The following CSNK2A1 variants were observed in gnomAD, a reference collection of about 807,000 sequenced individuals.
CSNK2A1 encodes the protein casein kinase 2 alpha 1, also known as casein kinase II subunit alpha.
Under a neutral mutation model 62.9 loss-of-function variants are expected in CSNK2A1, and 10 were observed. The observed-to-expected ratio is 0.16, with a 90% CI of 0.10 to 0.27. The LOEUF (loss-of-function observed/expected upper bound fraction) is 0.27, where lower values mean the gene tolerates loss of function less well. Among genes scored for constraint, CSNK2A1 ranks in the 10% least tolerant of loss-of-function variants. The pLI is 1.00. For missense variants in CSNK2A1, 160 were observed against 492.0 expected (o/e 0.33, Z 6.38); for synonymous variants, 124 against 167.8 (o/e 0.74, Z 2.02).
intron 1 of CSNK2A1, chr20:540,131 G>A (rs2019417111): frequency 6.6e-6 from 1 of 152,218 alleles, no homozygotes; most frequent in African/African-American, 2.4e-5. Context: ...CATGTGAGTA[G>A]TTTTATCAGC....
At chr20:484,371 G>A (rs1045300573) in intron 13 of CSNK2A1, among the ~76,000 whole-genome samples, 2 of 152,316 alleles carry the variant, frequency 1.3e-5, no homozygotes, top group East Asian at 1.9e-4. Context: ...GGCCTGTCTA[G>A]GGCAGAGATG....
At chr20:504,454 C>T (rs1368026124) in intron 4 of CSNK2A1, 2 of 152,192 alleles carry the variant, frequency 1.3e-5, no homozygotes, top group African/African-American at 4.8e-5. Flanking sequence ...ATTGGTCTCC[C>T]AGAGGCCAAA....
chr20:501,438 T>C (rs2018467773), intron 4 of CSNK2A1: 1 of 152,210 alleles, frequency 6.6e-6, no homozygotes, highest in Admixed American at 6.5e-5. Context: ...ACCACATGTG[T>C]AATTTTAAAT....
At chr20:527,134 A>G (rs2019115171) in intron 2 of CSNK2A1, among the ~76,000 whole-genome samples, 1 of 152,178 alleles carries the variant, frequency 6.6e-6, no homozygotes. Context: ...AAGAATGGAA[A>G]TGATACATCA....
chr20:505,351 GTTTTTTTTT>G (rs746624346), intron 3 of CSNK2A1, 122 bp from the exon 4 acceptor site: 12 of 236,166 alleles, frequency 5.1e-5, no homozygotes, highest in African/African-American at 3.0e-4. Context: ...TCCCAAATAG[GTTTTTTTTT>G]TTTTTTTTTT....
Position 492,368 on chromosome 20 carries a change from A to T in CSNK2A1, c.511-4T>A, listed in dbSNP as rs1281239882. On this transcript the variant is annotated splice_polypyrimidine_tract_variant and splice_region_variant and intron_variant, in intron 8 of 13. Transcript: ENST00000217244. ...AACCCCAGTCTATTAGTCGTAGCTG[A>T]AAAAGAATAAACCATGAGCAATCTT... is the stretch of plus-strand genomic sequence containing the variant. 4 of 1,613,830 alleles carry T rather than the reference A, an allele frequency of 2.5e-6. No individual in the cohort carries two copies. Among genetic ancestry groups the T allele is most frequent in the Non-Finnish European group, 3.4e-6 (4 of 1,179,770 alleles).
intron 12 of CSNK2A1, 128 bp downstream of exon 12, chr20:487,299 C>A (rs960125041): frequency 1.6e-5 from 21 of 1,354,654 alleles, no homozygotes; most frequent in Non-Finnish European, 1.9e-5. Flanking sequence ...ACTATCCCCA[C>A]TGGAAGAATC....
chr20:497,581 A>G (rs2018370786), intron 7 of CSNK2A1, 140 bp downstream of exon 7: 1 of 640,340 alleles, frequency 1.6e-6, no homozygotes. Flanking sequence ...TGATACTATT[A>G]ACTTATTAAA....
chr20:494,907 C>G (rs1447220310), intron 8 of CSNK2A1: 1 of 152,230 alleles, frequency 6.6e-6, no homozygotes, highest in East Asian at 1.9e-4. Context: ...TCCCAGTGCT[C>G]TCTAAAATGT....
chr20:481,838 T>A lies in CSNK2A1; in HGVS notation c.*2123A>T, dbSNP rs1452454411. On this transcript the variant is annotated 3_prime_UTR_variant, in exon 14 of 14. Coordinates refer to ENST00000217244, the MANE Select transcript of CSNK2A1 (RefSeq NM_177559.3). ...AGTGCAAACATAATCACAAATTGCA[T>A]CTCTGGCACATCTGGTGCTTTTAGC... is the stretch of plus-strand genomic sequence containing the variant. 1 of 152,214 alleles carries A rather than the reference T, an allele frequency of 6.6e-6. No homozygotes were observed. Among genetic ancestry groups the A allele is most frequent in the Non-Finnish European group, 1.5e-5 (1 of 68,040 alleles). 9.4% of individuals were successfully genotyped at this position (152,214 alleles called of 1,614,324 possible).
At chr20:488,480 G>C (rs1443964783) in intron 11 of CSNK2A1, 198 bp downstream of exon 11, 5 of 519,050 alleles carry the variant, frequency 9.6e-6, no homozygotes, top group Non-Finnish European at 1.4e-5. Context: ...TCAGACTCCT[G>C]TAAGTTAATT....
At chr20:512,208 C>CTT (rs546700255) in intron 2 of CSNK2A1, among the ~76,000 whole-genome samples, 16 of 144,300 alleles carry the variant, frequency 1.1e-4, no homozygotes, top group Middle Eastern at 3.5e-3. Context: ...TCTTCTTCTT[C>CTT]TTTTTTTTTT....
chr20:480,058 A>T lies in CSNK2A1; in HGVS notation c.*3903T>A, dbSNP rs1281076852. On this transcript the variant is annotated 3_prime_UTR_variant, in exon 14 of 14. Coordinates refer to ENST00000217244, the MANE Select transcript of CSNK2A1 (RefSeq NM_177559.3). The stretch of plus-strand genomic sequence containing the variant: ...GAGACTGCAGCATCTAAGTCTACTA[A>T]ATTGGCCAGGATCATTCCTTAGTCT... 2.0e-5 allele frequency: 3 copies of T among 152,204 alleles called. No homozygotes were observed. Among genetic ancestry groups the T allele is most frequent in the Non-Finnish European group, 4.4e-5 (3 of 68,052 alleles). The allele number at this position is 152,204 out of a possible 1,614,324, so 9.4% of individuals were successfully genotyped here.
intron 2 of CSNK2A1, among the ~76,000 whole-genome samples, chr20:524,573 C>T (rs1238992658): frequency 6.7e-6 from 1 of 149,004 alleles, no homozygotes; most frequent in African/African-American, 2.5e-5. Flanking sequence ...AACAACAAAA[C>T]ACAAAAATTA....
chr20:505,041 C>A (rs1600387951), intron 4 of CSNK2A1, 77 bp downstream of exon 4: 1 of 1,263,244 alleles, frequency 7.9e-7, no homozygotes, highest in South Asian at 1.5e-5. Flanking sequence ...CTTTTAAATG[C>A]TGTTTTAAAA....
At chr20:488,424 G>T (rs1294220102) in intron 11 of CSNK2A1, 2 of 379,098 alleles carry the variant, frequency 5.3e-6, no homozygotes, top group South Asian at 3.8e-5. Context: ...CCTTCTACTA[G>T]AATCTACATT....
At position 499,452 on chromosome 20, in the gene CSNK2A1, G is replaced by C; in HGVS notation, c.316-147C>G. On this transcript the variant is annotated intron_variant, in intron 5 of 13. Transcript: ENST00000217244. This position sits in a 1 kb window ranked among gnomAD's most constrained non-coding sequence, Gnocchi z 4.2. The stretch of plus-strand genomic sequence containing the variant: ...CCCTCTATTGCTACAAGCCCTCCCC[G>C]CTCTGATCATCACCGCACTTAGGTC... 1 of 638,614 alleles carries C rather than the reference G, an allele frequency of 1.6e-6. No individual in the cohort carries two copies. Among genetic ancestry groups the C allele is most frequent in the Non-Finnish European group, 2.6e-6 (1 of 383,838 alleles). The allele number at this position is 638,614 out of a possible 1,614,324, so 39.6% of individuals were successfully genotyped here.
chr20:524,382 A>G (rs1327178862), intron 2 of CSNK2A1, among the ~76,000 whole-genome samples: 2 of 148,706 alleles, frequency 1.3e-5, no homozygotes, highest in African/African-American at 2.5e-5. Flanking sequence ...AGATAACGCC[A>G]TTGCATTCCA....
chr20:533,631 A>C (rs866434966), intron 1 of CSNK2A1, among the ~76,000 whole-genome samples: 20 of 152,334 alleles, frequency 1.3e-4, no homozygotes, highest in African/African-American at 4.3e-4. Context: ...CATACAAAAA[A>C]ATTAAACCAA....
Sources: allele counts gnomAD v4.1 joint callset (sites outside exome capture counted in the v4.1 genomes callset), GRCh38; gene constraint gnomAD v4.1.1; non-coding constraint Gnocchi (gnomAD v3.1); transcripts MANE v1.5; gene names NCBI Gene and HGNC (gene_info 2026-07-23, HGNC 2026-07-21).